ATP2B3: variants seen among roughly 807,000 people sequenced by gnomAD.
ATP2B3 encodes the protein plasma membrane calcium-transporting ATPase 3.
Under a neutral mutation model 70.8 loss-of-function variants are expected in ATP2B3, and 12 were observed. The ratio of observed to expected loss-of-function variants is 0.17; its 90% CI spans 0.11 to 0.27. The LOEUF is 0.27. Ranked by LOEUF, ATP2B3 falls within the 10% of genes least tolerant of loss-of-function variation. The pLI is 1.00. For synonymous variants in ATP2B3, 460 were observed against 497.8 expected, an observed-to-expected ratio of 0.92 and a Z score of 1.01; for missense variants, 858 against 1,118.5, an observed-to-expected ratio of 0.77 and a Z score of 3.32.
At position 153,517,853 on chromosome X, in the gene ATP2B3, G is replaced by C. The variant is rs2089899415; in HGVS notation, c.-269G>C. On this transcript the variant is annotated 5_prime_UTR_variant, in exon 1 of 22. Coordinates refer to ENST00000263519, the MANE Select transcript of ATP2B3 (RefSeq NM_001001344.3). ...AGCGCCCGCCGGAGCCGAGGCCGCG[G>C]CGGCGGCCGTGCCCATGCCCGGGTA... The C allele has an allele frequency of 9.1e-6, 1 of 109,531 alleles. No homozygotes were observed. The highest frequency in any genetic ancestry group is 9.5e-5 in the Admixed American group (1 of 10,555). The allele number at this position is 109,531 out of a possible 1,213,427, so 9.0% of individuals were successfully genotyped here.
At chrX:153,555,205 A>G (rs1197360086) in intron 13 of ATP2B3, among the ~76,000 whole-genome samples, 1 of 110,787 alleles carries the variant, frequency 9.0e-6, no homozygotes, top group Admixed American at 9.5e-5. Flanking sequence ...TCCCTGGCAA[A>G]GATCACAGCC....
At position 153,580,121 on chromosome X, in the gene ATP2B3, G is replaced by A. The variant is rs782480989; in HGVS notation, c.3486G>A (p.Thr1162=). The change falls in exon 22 of 22, where the codon ACG becomes ACA. Residue 1162 remains threonine, a synonymous_variant. Transcript: ENST00000263519. ...YTHNIPLIDD[T]DVDENEERLR... is the part of the protein sequence containing the mutation. ...ACAACATCCCGCTCATTGACGACAC[G>A]GACGTGGACGAGAACGAGGAGCGCC... 7.4e-6 allele frequency: 9 copies of A among 1,212,131 alleles called. No homozygotes were observed. Among genetic ancestry groups the A allele is most frequent in the Middle Eastern group, 2.3e-4 (1 of 4,351 alleles).
chrX:153,561,847 G>A lies in ATP2B3; in HGVS notation c.3052-288G>A, dbSNP rs55989373. 6.5e-3 allele frequency among the ~76,000 whole-genome samples: 739 copies of A among 112,974 alleles called. 5 individuals are homozygous for A. Among genetic ancestry groups the A allele is most frequent in the African/African-American group, 0.023 (722 of 31,173 alleles). On this transcript the variant is annotated intron_variant, in intron 19 of 21. Transcript: ENST00000263519. ...TCCTCCAGAATGAGGCATGTCCAGC[G>A]TGCCCGCAGGGTGGGTGTCACAGCC...
rs782086699 is a variant in ATP2B3 at position 153,529,763 on chromosome X, C to T, written c.-126-6359C>T. Reference sequence around the variant, plus strand: ...CACCCACCCTTCCACTGTCCGTCCCCTCAGATTTCACAGCTCTCCTATGAG... The same window carrying T: ...CACCCACCCTTCCACTGTCCGTCCCTTCAGATTTCACAGCTCTCCTATGAG... On this transcript the variant is annotated intron_variant, in intron 2 of 21. Transcript: ENST00000263519. 3.8e-4 allele frequency among the ~76,000 whole-genome samples: 42 copies of T among 111,654 alleles called. No individual in the cohort carries two copies. In the East Asian group the frequency reaches 5.4e-3, roughly 14 times the overall value.
chrX:153,547,054 G>C (rs2090378634), intron 8 of ATP2B3, among the ~76,000 whole-genome samples: 1 of 112,122 alleles, frequency 8.9e-6, no homozygotes, highest in Non-Finnish European at 1.9e-5. Context: ...GTGGATCGGG[G>C]ACCAGAGTAG....
chrX:153,564,319 T>A (rs1315387566), intron 20 of ATP2B3, among the ~76,000 whole-genome samples: 2 of 112,764 alleles, frequency 1.8e-5, no homozygotes, highest in African/African-American at 6.4e-5. Context: ...CAGGCCCCGG[T>A]GTCCAGGGCT....
At chrX:153,578,737 G>A (rs1193951336) in intron 21 of ATP2B3, among the ~76,000 whole-genome samples, 3 of 112,500 alleles carry the variant, frequency 2.7e-5, no homozygotes, top group African/African-American at 9.7e-5. Context: ...CCTGTGGGGA[G>A]GGATGGCCAG....
Position 153,580,304 on chromosome X carries a change from A to G in ATP2B3, c.*6A>G, listed in dbSNP as rs2090908593. The G allele has an allele frequency of 8.3e-7, 1 of 1,199,614 alleles. No individual in the cohort carries two copies. The highest frequency in any genetic ancestry group is 1.7e-5 in the African/African-American group (1 of 57,211). On this transcript the variant is annotated 3_prime_UTR_variant, in exon 22 of 22. Transcript: ENST00000263519. ...GCGTGGAGACGTCCCTCTAACAAGA[A>G]CTTGTCTCAGCACATGCGCACACGC...
chrX:153,542,277 G>A (rs782331735), intron 5 of ATP2B3, 46 bp from the exon 6 acceptor site: 21 of 1,204,233 alleles, frequency 1.7e-5, no homozygotes, highest in Non-Finnish European at 2.4e-5. Context: ...TGGGGCAGCC[G>A]GGAGGAGGCG....
chrX:153,578,760 A>G (rs1178849907), intron 21 of ATP2B3, among the ~76,000 whole-genome samples: 1 of 112,124 alleles, frequency 8.9e-6, no homozygotes, highest in Non-Finnish European at 1.9e-5. Flanking sequence ...AACAACACAG[A>G]GCGGAGCCCG....
chrX:153,549,763 G>A, intron 11 of ATP2B3, 24 bp downstream of exon 11: 1 of 1,198,772 alleles, frequency 8.3e-7, no homozygotes, highest in African/African-American at 1.7e-5. Context: ...GGAGCGGGCG[G>A]GCAGGGCCGG....
At chrX:153,540,273 C>A (rs1278988977) in intron 3 of ATP2B3, among the ~76,000 whole-genome samples, 1 of 112,258 alleles carries the variant, frequency 8.9e-6, no homozygotes, top group African/African-American at 3.2e-5. Context: ...GTCTCCCCGA[C>A]CCCTGCGAGG....
intron 2 of ATP2B3, among the ~76,000 whole-genome samples, chrX:153,531,848 A>G (rs1377250713): frequency 8.9e-6 from 1 of 112,368 alleles, no homozygotes; most frequent in Middle Eastern, 4.2e-3. Context: ...GTTTTCAGGA[A>G]AGAGAATGGC....
chrX:153,542,319 C>G lies in ATP2B3; in HGVS notation c.665-4C>G, dbSNP rs202075780. On this transcript the variant is annotated splice_region_variant and splice_polypyrimidine_tract_variant and intron_variant, in intron 5 of 21. Transcript: ENST00000263519. Reference sequence around the variant, plus strand: ...AGAAAGGCCTCTGCTTCCCGGTGCTCTAGGCGACCTGCTGCCAGCCGACGG... The same window carrying G: ...AGAAAGGCCTCTGCTTCCCGGTGCTGTAGGCGACCTGCTGCCAGCCGACGG... 5.0e-6 allele frequency: 6 copies of G among 1,209,735 alleles called. No homozygotes were observed. Among genetic ancestry groups the G allele is most frequent in the Non-Finnish European group, 6.7e-6 (6 of 895,122 alleles).
At chrX:153,539,984 T>TCTGAGTGGCTTTGGGTGTCATTCAAG (rs1332579703) in intron 3 of ATP2B3, among the ~76,000 whole-genome samples, 15 of 112,837 alleles carry the variant, frequency 1.3e-4, no homozygotes, top group African/African-American at 4.5e-4. Flanking sequence ...TTTGGGGGCT[T>TCTGAGTGGCTTTGGGTGTCATTCAAG]CTGAGTGGCT....
At chrX:153,544,581 C>A (rs1371077547) in intron 7 of ATP2B3, among the ~76,000 whole-genome samples, 1 of 111,645 alleles carries the variant, frequency 9.0e-6, no homozygotes, top group Non-Finnish European at 1.9e-5. Flanking sequence ...AGCTGGCCAG[C>A]TGGGTAGAGG....
intron 19 of ATP2B3, 58 bp downstream of exon 19, chrX:153,560,945 G>T: frequency 8.5e-7 from 1 of 1,174,632 alleles, no homozygotes; most frequent in Non-Finnish European, 1.2e-6. Context: ...GAGGTGGTGG[G>T]CTTCAAGACC....
chrX:153,528,408 A>G (rs1197834666), intron 2 of ATP2B3, among the ~76,000 whole-genome samples: 1 of 111,567 alleles, frequency 9.0e-6, no homozygotes, highest in Admixed American at 9.5e-5. Flanking sequence ...CCGTGGCTCT[A>G]TCATCTCCCT....
At chrX:153,578,055 C>T (rs781858443) in intron 21 of ATP2B3, among the ~76,000 whole-genome samples, 6 of 112,465 alleles carry the variant, frequency 5.3e-5, no homozygotes, top group Admixed American at 9.4e-5. Flanking sequence ...ATTGTCTAAA[C>T]GACAGAGCCA....
Sources: allele counts gnomAD v4.1 joint callset (sites outside exome capture counted in the v4.1 genomes callset), GRCh38; gene constraint gnomAD v4.1.1; transcripts MANE v1.5; gene names NCBI Gene and HGNC (gene_info 2026-07-23, HGNC 2026-07-21).